The following AGTPBP1 variants were observed in gnomAD, a reference collection of about 807,000 sequenced individuals.
AGTPBP1 encodes the protein cytosolic carboxypeptidase 1.
A neutral mutation model predicts 143.9 loss-of-function variants in AGTPBP1; 70 were observed. That is an observed-to-expected ratio of 0.49 (90% CI 0.40 to 0.59). AGTPBP1 has a LOEUF of 0.59. Among genes scored for constraint, AGTPBP1 ranks in the 20% least tolerant of loss-of-function variants. The pLI is 0.00. For missense variants in AGTPBP1, 1,229 were observed against 1,464.5 expected, an observed-to-expected ratio of 0.84 and a Z score of 2.62; for synonymous variants, 463 against 500.2, an observed-to-expected ratio of 0.93 and a Z score of 0.99.
chr9:85,719,666 T>C (rs1319310095), intron 1 of AGTPBP1, among the ~76,000 whole-genome samples: 1 of 152,250 alleles, frequency 6.6e-6, no homozygotes, highest in East Asian at 1.9e-4. Context: ...TTCTCTTGCC[T>C]GATTGCCCTG....
rs71505760 is a variant in AGTPBP1, at chr9:85,639,363, A to ACG, written c.1302+3462_1302+3463dup. The stretch of plus-strand genomic sequence containing the variant: ...TACATACACACACCCATGCGCGCGC[A>ACG]CGCGCACACACACACACACACACAC... On this transcript the variant is annotated intron_variant, in intron 13 of 25. Coordinates refer to ENST00000357081, the MANE Select transcript of AGTPBP1 (RefSeq NM_001330701.2). Among the ~76,000 whole-genome samples, 874 of 133,342 alleles carry ACG rather than the reference A, an allele frequency of 6.6e-3. 2 individuals carry two copies. Among genetic ancestry groups the ACG allele is most frequent in the African/African-American group, 0.01 (367 of 35,178 alleles). The allele number at this position is 133,342 out of a possible 152,430, so 87.5% of individuals were successfully genotyped here.
At chr9:85,619,509 T>A (rs1447806545) in intron 15 of AGTPBP1, among the ~76,000 whole-genome samples, 2 of 152,198 alleles carry the variant, frequency 1.3e-5, no homozygotes, top group Admixed American at 6.5e-5. Context: ...GATTTATTCT[T>A]ATGTTTATAC....
chr9:85,634,193 CAAAAA>C (rs112565067), intron 13 of AGTPBP1, among the ~76,000 whole-genome samples: 91 of 56,312 alleles, frequency 1.6e-3, no homozygotes, highest in Admixed American at 0.015. Flanking sequence ...GACTCTCTCT[CAAAAA>C]AAAAAAAAAA....
chr9:85,583,158 G>A (rs1402997336), intron 23 of AGTPBP1, among the ~76,000 whole-genome samples: 10 of 152,122 alleles, frequency 6.6e-5, no homozygotes, highest in Admixed American at 2.6e-4. Flanking sequence ...TCTACCACAC[G>A]GCCTCAAAAA....
intron 3 of AGTPBP1, among the ~76,000 whole-genome samples, chr9:85,684,219 T>C (rs2134187637): frequency 6.6e-6 from 1 of 152,256 alleles, no homozygotes; most frequent in Middle Eastern, 3.4e-3. Flanking sequence ...CCTACATTTT[T>C]CCTCATTAAA....
rs147958130 is a variant in AGTPBP1, at chr9:85,583,096, C to A, written c.3165+2367G>T. Among the ~76,000 whole-genome samples the A allele has an allele frequency of 2.6e-5, 4 of 152,170 alleles. No homozygotes were observed. The East Asian group carries it at 7.7e-4, about 29-fold the overall frequency. On this transcript the variant is annotated intron_variant, in intron 23 of 25. Transcript: ENST00000357081. ...GATTTGATTCCTGGCTGAAAGGGACCATGATGCAAGGAACACAGACATGCT... is the reference window on the plus strand; with the variant it reads ...GATTTGATTCCTGGCTGAAAGGGACAATGATGCAAGGAACACAGACATGCT...
intron 1 of AGTPBP1, among the ~76,000 whole-genome samples, chr9:85,726,056 CAAAAAAAAAAA>C (rs948203314): frequency 3.4e-4 from 14 of 40,806 alleles, no homozygotes; most frequent in Admixed American, 2.4e-3. Context: ...GACTCCATCT[CAAAAAAAAAAA>C]AAAAAAAAAA....
At chr9:85,783,470 A>AT in the AGTPBP1 span, among the ~76,000 whole-genome samples, 5 of 152,166 alleles carry the variant, frequency 3.3e-5, no homozygotes, top group African/African-American at 9.7e-5. Context: ...CTTACACTAT[A>AT]TCCTGTCTCA....
chr9:85,768,589 G>A, the AGTPBP1 span, among the ~76,000 whole-genome samples: 2 of 152,044 alleles, frequency 1.3e-5, no homozygotes, highest in African/African-American at 2.4e-5. Context: ...CCTCTTATTC[G>A]TTCACCTAAG....
chr9:85,635,415 G>A (rs1259466679), intron 13 of AGTPBP1, among the ~76,000 whole-genome samples: 2 of 152,122 alleles, frequency 1.3e-5, no homozygotes, highest in Non-Finnish European at 2.9e-5. Context: ...TACCTTAAAA[G>A]GGTTAAAGGG....
At chr9:85,786,101 A>G in the AGTPBP1 span, 2 of 1,558,706 alleles carry the variant, frequency 1.3e-6, no homozygotes, top group Non-Finnish European at 1.7e-6. Context: ...TTATTTTTAG[A>G]TCATAAGGCT....
the AGTPBP1 span, chr9:85,774,178 T>C: frequency 3.1e-6 from 2 of 647,422 alleles, no homozygotes; most frequent in Non-Finnish European, 5.6e-6. Context: ...TTACATGTTT[T>C]GGTTGCCGCA....
chr9:85,557,232 A>G (rs1003554099), intron 25 of AGTPBP1, among the ~76,000 whole-genome samples: 1 of 152,186 alleles, frequency 6.6e-6, no homozygotes, highest in Non-Finnish European at 1.5e-5. Context: ...CTCAATTATA[A>G]GGATCATTTA....
rs781724584 is a variant in AGTPBP1, at chr9:85,655,141, A to G, written c.1087+2T>C. The G allele has an allele frequency of 1.2e-6, 2 of 1,607,846 alleles. No individual in the cohort carries two copies. The highest frequency in any genetic ancestry group is 1.7e-6 in the Non-Finnish European group (2 of 1,177,292). On this transcript the variant is annotated splice_donor_variant, in intron 11 of 25. Coordinates refer to ENST00000357081, the MANE Select transcript of AGTPBP1 (RefSeq NM_001330701.2). LOFTEE classifies it high-confidence loss of function. Reference sequence around the variant, plus strand: ...AAAGCAGCAGTGACCCTGTGATCCTACCTTCAGGAGGTAAGCTGTAGAGCT... The same window carrying G: ...AAAGCAGCAGTGACCCTGTGATCCTGCCTTCAGGAGGTAAGCTGTAGAGCT...
chr9:85,573,906 G>C (rs1266386225), intron 25 of AGTPBP1, among the ~76,000 whole-genome samples: 1 of 149,316 alleles, frequency 6.7e-6, no homozygotes, highest in Non-Finnish European at 1.5e-5. Flanking sequence ...CTCTCCGCCC[G>C]GCAGCTGCCC....
At position 85,652,306 on chromosome 9, in the gene AGTPBP1, C is replaced by G. The variant is rs542473645; in HGVS notation, c.1087+2837G>C. On this transcript the variant is annotated intron_variant, in intron 11 of 25. Coordinates refer to ENST00000357081, the MANE Select transcript of AGTPBP1 (RefSeq NM_001330701.2). ...CAGGCGGATCACAAGGTCAAGAGAT[C>G]GAGACCATCCTAGCCAACATGGTGA... Among the ~76,000 whole-genome samples, 14 of 152,064 alleles carry G rather than the reference C, an allele frequency of 9.2e-5. 1 individual carries two copies. The South Asian group carries it at 1.5e-3, about 16-fold the overall frequency.
At chr9:85,596,070 T>C (rs1829283928) in intron 18 of AGTPBP1, among the ~76,000 whole-genome samples, 1 of 152,214 alleles carries the variant, frequency 6.6e-6, no homozygotes, top group East Asian at 1.9e-4. Context: ...TTTTATTCAA[T>C]AAAGTTTCCA....
At chr9:85,566,689 C>T (rs1473286022) in intron 25 of AGTPBP1, among the ~76,000 whole-genome samples, 7 of 151,948 alleles carry the variant, frequency 4.6e-5, no homozygotes, top group Non-Finnish European at 8.8e-5. Flanking sequence ...CTCCTTGGAC[C>T]GGAAAAAGAA....
At chr9:85,691,254 T>G (rs1031398762) in intron 3 of AGTPBP1, among the ~76,000 whole-genome samples, 1 of 152,102 alleles carries the variant, frequency 6.6e-6, no homozygotes, top group African/African-American at 2.4e-5. Context: ...AATGGGGTGG[T>G]ATCAACTATC....
Sources: allele counts gnomAD v4.1 joint callset (sites outside exome capture counted in the v4.1 genomes callset), GRCh38; gene constraint gnomAD v4.1.1; transcripts MANE v1.5; gene names NCBI Gene and HGNC (gene_info 2026-07-23, HGNC 2026-07-21).